ANKRD17: variants seen among roughly 807,000 people sequenced by gnomAD.
The protein encoded by ANKRD17 is ankyrin repeat domain-containing protein 17.
A neutral mutation model predicts 229.7 loss-of-function variants in ANKRD17; 19 were observed. The observed-to-expected ratio is 0.08, with a 90% CI of 0.06 to 0.12. ANKRD17 has a LOEUF of 0.12. Ranked by LOEUF, ANKRD17 falls within the 10% of genes least tolerant of loss-of-function variation. The pLI is 1.00. For synonymous variants in ANKRD17, 1,112 were observed against 1,146.1 expected (o/e 0.97, Z 0.60); for missense variants, 2,176 against 3,176.8 (o/e 0.68, Z 7.57).
Position 73,139,550 on chromosome 4 carries a change from C to T in ANKRD17, c.3066G>A (p.Thr1022=), listed in dbSNP as rs571125780. The T allele has an allele frequency of 1.4e-5, 22 of 1,612,866 alleles. No homozygotes were observed. The highest frequency in any genetic ancestry group is 1.7e-5 in the Admixed American group (1 of 59,904). ...ACCCACCTGCCATGATGTCATCCAG[C>T]GTGTCATTGAGGGTCTGAGCAGGGC... is the stretch of plus-strand genomic sequence containing the variant. The part of the protein sequence containing the change: ...VASPAQTLND[T]LDDIMAAVSG... The change falls in exon 15 of 34, where the codon ACG becomes ACA. Residue 1022 remains threonine, a synonymous_variant. Coordinates refer to ENST00000358602, the MANE Select transcript of ANKRD17 (RefSeq NM_032217.5).
chr4:73,172,159 A>T (rs1256446935), intron 2 of ANKRD17, among the ~76,000 whole-genome samples: 1 of 152,220 alleles, frequency 6.6e-6, no homozygotes, highest in Non-Finnish European at 1.5e-5. Flanking sequence ...GGAGGTAAGG[A>T]TCCTAAAAGC....
Position 73,245,482 on chromosome 4 carries a change from T to TA in ANKRD17, c.393+12793dup, listed in dbSNP as rs576778550. On this transcript the variant is annotated intron_variant, in intron 1 of 33. Coordinates refer to ENST00000358602, the MANE Select transcript of ANKRD17 (RefSeq NM_032217.5). ...GTCTACAATTGTTCTCTCTTCGCTG[T>TA]ATCTTCCCTTCCTGACTGCCTATGG... 2.4e-3 allele frequency among the ~76,000 whole-genome samples: 358 copies of TA among 152,294 alleles called. 1 individual carries two copies. Among genetic ancestry groups the TA allele is most frequent in the Non-Finnish European group, 4.1e-3 (278 of 68,024 alleles).
intron 25 of ANKRD17, among the ~76,000 whole-genome samples, chr4:73,102,094 G>A (rs549608922): frequency 2.6e-5 from 4 of 151,878 alleles, no homozygotes; most frequent in Non-Finnish European, 4.4e-5. Context: ...GGGACTACAG[G>A]AGTATGCTAC....
rs151258653 is a variant in ANKRD17, at chr4:73,149,500, T to C, written c.1330-450A>G. 1.2e-3 allele frequency among the ~76,000 whole-genome samples: 183 copies of C among 152,298 alleles called. 1 individual carries two copies. Among genetic ancestry groups the C allele is most frequent in the African/African-American group, 4.0e-3 (168 of 41,578 alleles). On this transcript the variant is annotated intron_variant, in intron 7 of 33. Coordinates refer to ENST00000358602, the MANE Select transcript of ANKRD17 (RefSeq NM_032217.5). ...CCTTTTTGGAGAAGTGGGGGAAGGA[T>C]ACATGCTGTGTTAGGGGAACACAAA...
chr4:73,257,439 A>G (rs919496566), intron 1 of ANKRD17, among the ~76,000 whole-genome samples: 2 of 152,120 alleles, frequency 1.3e-5, no homozygotes, highest in African/African-American at 4.8e-5. Context: ...ACTCACCACA[A>G]CCAGGCCTGG....
intron 25 of ANKRD17, among the ~76,000 whole-genome samples, chr4:73,099,649 G>A (rs1036839768): frequency 2.6e-5 from 4 of 152,216 alleles, no homozygotes; most frequent in African/African-American, 9.6e-5. Context: ...TGTGGCCAAT[G>A]GAGGGGGTGC....
intron 25 of ANKRD17, 147 bp downstream of exon 25, chr4:73,102,229 C>T (rs1724102000): frequency 2.0e-5 from 16 of 789,674 alleles, no homozygotes; most frequent in Non-Finnish European, 3.0e-5. Context: ...CCATAAAATG[C>T]TGGGATTACG....
chr4:73,146,078 T>G (rs1005655452), intron 10 of ANKRD17, among the ~76,000 whole-genome samples: 22 of 152,084 alleles, frequency 1.4e-4, no homozygotes, highest in African/African-American at 5.1e-4. Flanking sequence ...AGACCACCTA[T>G]TCTACCCACA....
intron 29 of ANKRD17, among the ~76,000 whole-genome samples, chr4:73,086,950 A>G (rs866588044): frequency 1.1e-5 from 1 of 94,192 alleles, no homozygotes; most frequent in Admixed American, 1.2e-4. Flanking sequence ...ATATATATAT[A>G]TATCTGTAGG....
At chr4:73,206,404 A>G (rs375904890) in intron 1 of ANKRD17, among the ~76,000 whole-genome samples, 1 of 148,856 alleles carries the variant, frequency 6.7e-6, no homozygotes, top group Admixed American at 6.7e-5. Flanking sequence ...AACAGAAAGA[A>G]AGAGAGAGAG....
intron 24 of ANKRD17, 77 bp from the exon 25 acceptor site, chr4:73,102,624 C>G: frequency 6.7e-7 from 1 of 1,488,196 alleles, no homozygotes; most frequent in Non-Finnish European, 9.1e-7. Flanking sequence ...ATCATTTAAT[C>G]ATAAGGAAAC....
In ANKRD17 at chr4:73,153,875, T is replaced by G. The variant is rs1489817708; in HGVS notation, c.1234+5A>C. On this transcript the variant is annotated splice_donor_5th_base_variant and intron_variant, in intron 6 of 33. Transcript: ENST00000358602. ...ACTTTGTTTTAAGAAAGGTTTATAC[T>G]GTACCTTTGTAACAAGCTAAGGTAA... The G allele has an allele frequency of 6.4e-7, 1 of 1,560,018 alleles. No individual in the cohort carries two copies. The highest frequency in any genetic ancestry group is 8.7e-7 in the Non-Finnish European group (1 of 1,153,382).
At position 73,101,249 on chromosome 4, in the gene ANKRD17, T is replaced by C. The variant is rs1341078753; in HGVS notation, c.4573+1127A>G. 10 of 965,864 alleles carry C rather than the reference T, an allele frequency of 1.0e-5. No homozygotes were observed. The South Asian group carries it at 1.9e-4, about 18-fold the overall frequency. 59.8% of individuals were successfully genotyped at this position (965,864 alleles called of 1,614,324 possible). On this transcript the variant is annotated intron_variant, in intron 25 of 33. Coordinates refer to ENST00000358602, the MANE Select transcript of ANKRD17 (RefSeq NM_032217.5). ...TTGATTATAACCTAGTTAAAAATGA[T>C]TCCTTCATTTGAAGAAATCGATGAT...
At chr4:73,089,366 CATTTAAGAA>C (rs1185228016) in intron 29 of ANKRD17, among the ~76,000 whole-genome samples, 2 of 151,394 alleles carry the variant, frequency 1.3e-5, no homozygotes, top group Non-Finnish European at 2.9e-5. Flanking sequence ...TTTTTTTAAA[CATTTAAGAA>C]ATGTAAAAAC....
chr4:73,179,448 CTG>C (rs1263895062), intron 1 of ANKRD17, among the ~76,000 whole-genome samples: 1 of 100,864 alleles, frequency 9.9e-6, no homozygotes, highest in African/African-American at 3.9e-5. Flanking sequence ...GTATATATAT[CTG>C]TGTATATATG....
intron 25 of ANKRD17, among the ~76,000 whole-genome samples, chr4:73,101,664 C>CA (rs71215484): frequency 0.18 from 19,792 of 111,356 alleles, 2,329 homozygotes; most frequent in African/African-American, 0.23. Context: ...GACTCGGTCT[C>CA]AAAAAAAAAA....
At chr4:73,223,752 A>T (rs1412911436) in intron 1 of ANKRD17, among the ~76,000 whole-genome samples, 1 of 152,116 alleles carries the variant, frequency 6.6e-6, no homozygotes, top group Non-Finnish European at 1.5e-5. Context: ...TCTTACAATA[A>T]ATACTCTAAG....
chr4:73,160,152 T>C (rs1257320530), intron 3 of ANKRD17, among the ~76,000 whole-genome samples: 1 of 151,658 alleles, frequency 6.6e-6, no homozygotes, highest in East Asian at 1.9e-4. Flanking sequence ...AATGGTAACA[T>C]GTATTAATGA....
chr4:73,251,007 G>T (rs889311614), intron 1 of ANKRD17, among the ~76,000 whole-genome samples: 3 of 152,010 alleles, frequency 2.0e-5, no homozygotes, highest in Non-Finnish European at 4.4e-5. Context: ...AGTAGCTCAC[G>T]CCTATAATCC....
Sources: allele counts gnomAD v4.1 joint callset (sites outside exome capture counted in the v4.1 genomes callset), GRCh38; gene constraint gnomAD v4.1.1; transcripts MANE v1.5; gene names NCBI Gene and HGNC (gene_info 2026-07-23, HGNC 2026-07-21).